Variants in CACNA2D1 observed in about 807,000 individuals in gnomAD.
CACNA2D1 encodes the protein calcium voltage-gated channel auxiliary subunit alpha2delta 1.
CACNA2D1 carries 53 observed loss-of-function variants against 171.5 expected under a neutral mutation model. The observed-to-expected ratio is 0.31, with a 90% confidence interval of 0.25 to 0.39. CACNA2D1 has a LOEUF of 0.39. CACNA2D1 is among the 10% of genes least tolerant of loss of function. The pLI, the probability that CACNA2D1 is intolerant of heterozygous loss-of-function variation, is 1.00. For missense variants in CACNA2D1, 903 were observed against 1,299.8 expected, an observed-to-expected ratio of 0.69 and a Z score of 4.69; for synonymous variants, 442 against 443.1, an observed-to-expected ratio of 1.00 and a Z score of 0.03.
At chr7:82,290,002 C>A (rs1247228392) in intron 3 of CACNA2D1, among the ~76,000 whole-genome samples, 1 of 152,166 alleles carries the variant, frequency 6.6e-6, no homozygotes, top group Non-Finnish European at 1.5e-5. Context: ...TTCTGAAGTT[C>A]AAGCTGAAGG....
intron 6 of CACNA2D1, among the ~76,000 whole-genome samples, chr7:82,114,648 C>G (rs1329049008): frequency 6.6e-6 from 1 of 151,226 alleles, no homozygotes. Flanking sequence ...CCTAGCTACT[C>G]AGGAGGCTGA....
intron 3 of CACNA2D1, among the ~76,000 whole-genome samples, chr7:82,309,193 G>T (rs1189891559): frequency 2.0e-5 from 3 of 152,046 alleles, no homozygotes; most frequent in Non-Finnish European, 4.4e-5. Context: ...ATCACCTGAG[G>T]TCAGGAGTTC....
intron 1 of CACNA2D1, among the ~76,000 whole-genome samples, chr7:82,384,751 A>T (rs1005190012): frequency 3.9e-5 from 6 of 152,242 alleles, no homozygotes; most frequent in Non-Finnish European, 7.3e-5. Context: ...TTTGTCTTGT[A>T]TATAAATGAC....
Position 81,951,969 on chromosome 7 carries a change from GTTT to G in CACNA2D1, c.3160-1464_3160-1462del, listed in dbSNP as rs774805421. On this transcript the variant is annotated intron_variant, in intron 38 of 38. Coordinates refer to ENST00000356860, the MANE Select transcript of CACNA2D1 (RefSeq NM_000722.4). ...CATTCCCACCAGCAGTGTACAAAGT[GTTT>G]TTTTTTTTTTTTTTTTTTTAACCAC... 4.5e-4 allele frequency among the ~76,000 whole-genome samples: 32 copies of G among 71,904 alleles called. 1 individual carries two copies. In the South Asian group the frequency reaches 0.017, roughly 39 times the overall value. The allele number at this position is 71,904 out of a possible 152,430, so 47.2% of individuals were successfully genotyped here.
intron 12 of CACNA2D1, among the ~76,000 whole-genome samples, chr7:82,017,875 T>C (rs1800693609): frequency 6.6e-6 from 1 of 152,098 alleles, no homozygotes; most frequent in African/African-American, 2.4e-5. Flanking sequence ...AGCAAATCAC[T>C]TACATTAGAG....
In CACNA2D1 at chr7:81,962,476, G is replaced by A. The variant is rs770791780; in HGVS notation, c.2800C>T (p.Leu934Phe). Reference sequence around the variant, plus strand: ...AGTCGTGGAAAGGTCAAACTCAAGAGAAACTGCTGTAGAATAGACCTGAAT... The same window carrying A: ...AGTCGTGGAAAGGTCAAACTCAAGAAAAACTGCTGTAGAATAGACCTGAAT... ...AAAWSILQQF[L>F]LSLTFPRLLE... The change falls in exon 35 of 39, where the codon CTC becomes TTC. Residue 934 changes from leucine (L) to phenylalanine (F), a missense_variant. This residue lies in a region of CACNA2D1 where 623 missense variants were observed against 925.5 expected (regional missense o/e 0.67). Transcript: ENST00000356860. The A allele has an allele frequency of 4.4e-6, 7 of 1,602,028 alleles. No individual in the cohort carries two copies. The highest frequency in any genetic ancestry group is 1.3e-5 in the African/African-American group (1 of 74,454).
chr7:82,085,582 A>G (rs1006625792), intron 6 of CACNA2D1, among the ~76,000 whole-genome samples: 5 of 152,080 alleles, frequency 3.3e-5, no homozygotes, highest in South Asian at 2.1e-4. Context: ...TTATACAACA[A>G]AAATGTACAT....
intron 3 of CACNA2D1, among the ~76,000 whole-genome samples, chr7:82,311,953 A>T (rs992851938): frequency 4.6e-5 from 7 of 152,154 alleles, no homozygotes; most frequent in Admixed American, 4.6e-4. Context: ...GAACCTCAAC[A>T]TATTTTAAGG....
At chr7:82,117,656 C>T (rs1789236582) in intron 5 of CACNA2D1, among the ~76,000 whole-genome samples, 1 of 152,046 alleles carries the variant, frequency 6.6e-6, no homozygotes, top group Non-Finnish European at 1.5e-5. Flanking sequence ...GACATGGCAG[C>T]ACAGGCCTGT....
chr7:82,188,731 A>G, intron 3 of CACNA2D1, among the ~76,000 whole-genome samples: 1 of 152,164 alleles, frequency 6.6e-6, no homozygotes, highest in South Asian at 2.1e-4. Context: ...TGTTCTTCAC[A>G]GCACTATTCA....
rs1049019989 is a variant in CACNA2D1 at position 81,948,721 on chromosome 7, A to G, written c.*1671T>C. 9.2e-5 allele frequency: 14 copies of G among 152,038 alleles called. 1 individual carries two copies. In the Middle Eastern group the frequency reaches 0.014, roughly 149 times the overall value. The allele number at this position is 152,038 out of a possible 1,614,324, so 9.4% of individuals were successfully genotyped here. A position where few individuals can be genotyped will look rare whatever the true frequency, so the allele number is the denominator to read the frequency against. On this transcript the variant is annotated 3_prime_UTR_variant, in exon 39 of 39. Transcript: ENST00000356860. ...ATTGGCATGTTCCAAAAAAAGAAAA[A>G]CTGCATTTTATCATAAAAAATATCT... is the stretch of plus-strand genomic sequence containing the variant.
chr7:82,012,294 G>T, intron 14 of CACNA2D1, 51 bp from the exon 15 acceptor site: 1 of 960,978 alleles, frequency 1.0e-6, no homozygotes, highest in Non-Finnish European at 1.7e-6. Flanking sequence ...GGAATGCTGT[G>T]TTGAAATAAA....
chr7:82,401,181 T>C (rs543276356), intron 1 of CACNA2D1, among the ~76,000 whole-genome samples: 5 of 152,324 alleles, frequency 3.3e-5, no homozygotes, highest in Admixed American at 6.5e-5. Flanking sequence ...AGAAATACCA[T>C]TTGACGAAGC....
chr7:82,232,074 A>G (rs1488133996), intron 3 of CACNA2D1, among the ~76,000 whole-genome samples: 1 of 152,098 alleles, frequency 6.6e-6, no homozygotes, highest in Admixed American at 6.6e-5. Flanking sequence ...TATTTTTCCT[A>G]CTTTTAAAAT....
intron 2 of CACNA2D1, among the ~76,000 whole-genome samples, chr7:82,348,079 T>C (rs1398920333): frequency 3.9e-5 from 6 of 152,200 alleles, no homozygotes; most frequent in Admixed American, 3.9e-4. Context: ...GAGCAGCTTA[T>C]TTTTAATCTC....
chr7:82,324,473 C>T (rs554327025), intron 3 of CACNA2D1, among the ~76,000 whole-genome samples: 21 of 151,418 alleles, frequency 1.4e-4, no homozygotes, highest in East Asian at 7.8e-4. Context: ...ATGCTGAGTG[C>T]GGTAGAGAGT....
Position 82,217,184 on chromosome 7 carries a change from G to A in CACNA2D1, c.295-46575C>T, listed in dbSNP as rs139404048. Among the ~76,000 whole-genome samples the A allele has an allele frequency of 6.1e-4, 92 of 151,276 alleles. 1 individual carries two copies. In the East Asian group the frequency reaches 0.016, roughly 26 times the overall value. On this transcript the variant is annotated intron_variant, in intron 3 of 38. Coordinates refer to ENST00000356860, the MANE Select transcript of CACNA2D1 (RefSeq NM_000722.4). Reference sequence around the variant, plus strand: ...TGTTTCTCTCAAGCACCTTTTTCCTGGACCCTTAAAACAATATACTTTGAA... The same window carrying A: ...TGTTTCTCTCAAGCACCTTTTTCCTAGACCCTTAAAACAATATACTTTGAA...
intron 15 of CACNA2D1, among the ~76,000 whole-genome samples, chr7:82,011,359 A>G (rs1194198961): frequency 1.3e-5 from 2 of 152,198 alleles, no homozygotes. Flanking sequence ...ATCCTGGACC[A>G]CAGGTTGGAC....
At chr7:82,324,185 G>A (rs1015379998) in intron 3 of CACNA2D1, among the ~76,000 whole-genome samples, 2 of 151,610 alleles carry the variant, frequency 1.3e-5, no homozygotes, top group Non-Finnish European at 2.9e-5. Flanking sequence ...GGTGAAACCC[G>A]CATCTCTACT....
Sources: gnomAD v4.1 joint callset for allele counts (sites outside exome capture counted in the v4.1 genomes callset) on GRCh38, gnomAD v4.1.1 for gene constraint, gnomAD v4.1.1 regional missense constraint, MANE v1.5 for transcripts, NCBI Gene and HGNC (gene_info 2026-07-23, HGNC 2026-07-21) for gene names.